The following CAMK1D variants were observed in gnomAD, a reference collection of about 807,000 sequenced individuals.
The protein encoded by CAMK1D is calcium/calmodulin dependent protein kinase ID, also known as calcium/calmodulin-dependent protein kinase type 1D.
A neutral mutation model predicts 47.7 loss-of-function variants in CAMK1D; 9 were observed. The observed-to-expected ratio is 0.19, with a 90% CI of 0.11 to 0.33. The LOEUF (loss-of-function observed/expected upper bound fraction) is 0.33, where lower values mean the gene tolerates loss of function less well. Ranked by LOEUF, CAMK1D falls within the 10% of genes least tolerant of loss-of-function variation. The probability of loss-of-function intolerance (pLI) is 1.00; values close to 1 mark genes in which losing one functional copy is unlikely to be tolerated. For synonymous variants in CAMK1D, 184 were observed against 184.9 expected, an observed-to-expected ratio of 0.99 and a Z score of 0.04; for missense variants, 291 against 488.7, an observed-to-expected ratio of 0.60 and a Z score of 3.81.
intron 2 of CAMK1D, among the ~76,000 whole-genome samples, chr10:12,577,964 G>A (rs749596821): frequency 6.6e-6 from 1 of 152,238 alleles, no homozygotes; most frequent in Non-Finnish European, 1.5e-5. Context: ...AATGCTAACA[G>A]TAATATTGGC....
chr10:12,433,942 C>T (rs1333527887), intron 1 of CAMK1D, among the ~76,000 whole-genome samples: 3 of 152,296 alleles, frequency 2.0e-5, no homozygotes, highest in South Asian at 4.1e-4. Flanking sequence ...ACAAGTCCCT[C>T]CTCTGAAGTG....
At chr10:12,428,751 C>G (rs1215351033) in intron 1 of CAMK1D, among the ~76,000 whole-genome samples, 2 of 152,210 alleles carry the variant, frequency 1.3e-5, no homozygotes, top group East Asian at 3.8e-4. Flanking sequence ...AATTCTCACT[C>G]CCAATGCGAC....
At chr10:12,420,973 C>T (rs949551946) in intron 1 of CAMK1D, among the ~76,000 whole-genome samples, 3 of 152,142 alleles carry the variant, frequency 2.0e-5, no homozygotes, top group African/African-American at 7.2e-5. Flanking sequence ...AGGTGTATTG[C>T]TTTCCCTCAT....
At chr10:12,425,214 C>G (rs1840187849) in intron 1 of CAMK1D, among the ~76,000 whole-genome samples, 2 of 152,124 alleles carry the variant, frequency 1.3e-5, no homozygotes, top group Non-Finnish European at 2.9e-5. Context: ...CCCATCCCAT[C>G]TGGGAGACCT....
rs1291708180 is a variant in CAMK1D, at chr10:12,827,472, G to GTCTGTCTTTCTTTCTTTCTT, written c.1040-1294_1040-1293insGTCTTTCTTTCTTTCTTTCT. On this transcript the variant is annotated intron_variant, in intron 10 of 10. Coordinates refer to ENST00000619168, the MANE Select transcript of CAMK1D (RefSeq NM_153498.4). ...CTTTCTTTTCTTTCTTTGTCTGTCTGTCTTTCTTTCTTTCTTTCTTTCTTT... is the reference window on the plus strand; with the variant it reads ...CTTTCTTTTCTTTCTTTGTCTGTCTGTCTGTCTTTCTTTCTTTCTTTCTTTCTTTCTTTCTTTCTTTCTTT... Among the ~76,000 whole-genome samples, 8 of 5,096 alleles carry GTCTGTCTTTCTTTCTTTCTT rather than the reference G, an allele frequency of 1.6e-3. 2 individuals carry two copies. The highest frequency in any genetic ancestry group is 2.9e-3 in the Non-Finnish European group (6 of 2,086). 3.3% of individuals were successfully genotyped at this position (5,096 alleles called of 152,430 possible). A position where few individuals can be genotyped will look rare whatever the true frequency, so the allele number is the denominator to read the frequency against.
chr10:12,765,985 G>A (rs1453581558), intron 4 of CAMK1D, among the ~76,000 whole-genome samples: 2 of 102,564 alleles, frequency 1.9e-5, no homozygotes, highest in Non-Finnish European at 3.7e-5. Flanking sequence ...TTTTTTTTGA[G>A]ACAGAGTTTC....
chr10:12,422,478 GA>G (rs1156335904), intron 1 of CAMK1D, among the ~76,000 whole-genome samples: 1 of 152,098 alleles, frequency 6.6e-6, no homozygotes, highest in Non-Finnish European at 1.5e-5. Context: ...CTTACGAGGG[GA>G]TGCGATGCCT....
At chr10:12,648,047 C>A (rs191436564) in intron 2 of CAMK1D, among the ~76,000 whole-genome samples, 1 of 152,138 alleles carries the variant, frequency 6.6e-6, no homozygotes, top group African/African-American at 2.4e-5. Context: ...TGCGAAGAGT[C>A]CAAGAATTCA....
At chr10:12,705,937 T>C (rs1833713552) in intron 3 of CAMK1D, among the ~76,000 whole-genome samples, 1 of 152,238 alleles carries the variant, frequency 6.6e-6, no homozygotes. Flanking sequence ...GGATGTATTA[T>C]AATAACTTAG....
intron 1 of CAMK1D, among the ~76,000 whole-genome samples, chr10:12,467,088 T>C (rs1564357510): frequency 6.6e-6 from 1 of 152,004 alleles, no homozygotes; most frequent in Admixed American, 6.6e-5. Flanking sequence ...GCAGAAGGAA[T>C]GGGTAGATGC....
chr10:12,734,243 A>T (rs985662627), intron 3 of CAMK1D, among the ~76,000 whole-genome samples: 5 of 144,150 alleles, frequency 3.5e-5, no homozygotes, highest in Non-Finnish European at 6.0e-5. Flanking sequence ...AATCGCTTGA[A>T]CCTGGGAGCT....
In CAMK1D at chr10:12,824,477, C is replaced by A. The variant is rs142495899; in HGVS notation, c.846C>A (p.Asp282Glu). 1 of 1,614,070 alleles carries A rather than the reference C, an allele frequency of 6.2e-7. No individual in the cohort carries two copies. The highest frequency in any genetic ancestry group is 8.5e-7 in the Non-Finnish European group (1 of 1,179,960). The change falls in exon 9 of 11, where the codon GAC becomes GAA. Residue 282 changes from aspartate (D) to glutamate (E), a missense_variant. Transcript: ENST00000619168. ...GCCTCTGTTTCAGGATCGCTGGTGA[C>A]ACAGCCCTCAACAAAAACATCCACG... ...QAARHPWIAG[D>E]TALNKNIHES...
chr10:12,702,105 T>C (rs1833543449), intron 3 of CAMK1D, among the ~76,000 whole-genome samples: 1 of 152,166 alleles, frequency 6.6e-6, no homozygotes, highest in African/African-American at 2.4e-5. Flanking sequence ...GTGCTGGAAA[T>C]GTATGCCTAG....
intron 2 of CAMK1D, among the ~76,000 whole-genome samples, chr10:12,606,124 A>C (rs915508595): frequency 1.3e-5 from 2 of 152,202 alleles, no homozygotes; most frequent in African/African-American, 4.8e-5. Flanking sequence ...AAGCAGCCAG[A>C]ATAACCGTTT....
At chr10:12,452,900 G>A (rs1686264371) in intron 1 of CAMK1D, among the ~76,000 whole-genome samples, 1 of 152,004 alleles carries the variant, frequency 6.6e-6, no homozygotes, top group African/African-American at 2.4e-5. Flanking sequence ...CAGTTCAGTG[G>A]CATGAAGTAT....
chr10:12,499,515 T>A (rs933855470), intron 1 of CAMK1D, among the ~76,000 whole-genome samples: 4 of 152,170 alleles, frequency 2.6e-5, no homozygotes, highest in African/African-American at 9.7e-5. Context: ...GGCATTAGGA[T>A]TGATTTCCCC....
rs1832715484 is a variant in CAMK1D at position 12,814,270 on chromosome 10, G to A, written c.717G>A (p.Glu239=). 6.2e-7 allele frequency: 1 copy of A among 1,613,796 alleles called. No homozygotes were observed. Among genetic ancestry groups the A allele is most frequent in the African/African-American group, 1.3e-5 (1 of 75,034 alleles). ...AGCAGATCCTCAAGGCGGAATATGA[G>A]TTTGACTCTCCCTACTGGGATGACA... ...LFEQILKAEY[E]FDSPYWDDIS... is the part of the protein sequence containing the mutation. Residue 239 remains glutamate (E), a synonymous_variant, in exon 7 of 11, where the codon GAG becomes GAA. Transcript: ENST00000619168.
chr10:12,697,551 G>A (rs139621092), intron 3 of CAMK1D, among the ~76,000 whole-genome samples: 1,563 of 152,150 alleles, frequency 0.01, 30 homozygotes, highest in African/African-American at 0.034. Context: ...GGTGCCCACC[G>A]TCATGCCTGG....
At position 12,666,903 on chromosome 10, in the gene CAMK1D, C is replaced by G. The variant is rs923565371; in HGVS notation, c.299+93C>G. On this transcript the variant is annotated intron_variant, in intron 3 of 10. Transcript: ENST00000619168. ...TGGGAAAAGAAGTGATTGAAGTGGG[C>G]CAGGTAAGGCAGTAGGGAGCAGGGA... is the stretch of plus-strand genomic sequence containing the variant. 1.8e-5 allele frequency: 18 copies of G among 1,020,790 alleles called. No individual in the cohort carries two copies. In the African/African-American group the frequency reaches 2.9e-4, roughly 16 times the overall value. The allele number at this position is 1,020,790 out of a possible 1,614,324, so 63.2% of individuals were successfully genotyped here. A position where few individuals can be genotyped will look rare whatever the true frequency, so the allele number is the denominator to read the frequency against.
Sources: gnomAD v4.1 joint callset for allele counts (sites outside exome capture counted in the v4.1 genomes callset) on GRCh38, gnomAD v4.1.1 for gene constraint, MANE v1.5 for transcripts, NCBI Gene and HGNC (gene_info 2026-07-23, HGNC 2026-07-21) for gene names.